The following ACOT9 variants were observed in gnomAD, a reference collection of about 807,000 sequenced individuals.
ACOT9 encodes the protein acyl-CoA thioesterase 9, also known as acyl-coenzyme A thioesterase 9, mitochondrial.
ACOT9 carries 34 observed loss-of-function variants against 39.7 expected under a neutral mutation model. The observed-to-expected ratio is 0.86, with a 90% CI of 0.65 to 1.14. The LOEUF (loss-of-function observed/expected upper bound fraction) is 1.14, where lower values mean the gene tolerates loss of function less well. Among genes scored for constraint, ACOT9 ranks in the 50% most tolerant of loss-of-function variants. The pLI is 0.00. For synonymous variants in ACOT9, 110 were observed against 120.5 expected, an observed-to-expected ratio of 0.91 and a Z score of 0.57; for missense variants, 313 against 344.1, an observed-to-expected ratio of 0.91 and a Z score of 0.71.
intron 1 of ACOT9, among the ~76,000 whole-genome samples, chrX:23,738,041 G>T (rs1350780242): frequency 9.5e-6 from 1 of 105,696 alleles, no homozygotes; most frequent in Non-Finnish European, 1.9e-5. Flanking sequence ...CTAATTTTTT[G>T]TATTTTTAGT....
At chrX:23,739,159 G>A (rs1930048971) in intron 1 of ACOT9, among the ~76,000 whole-genome samples, 1 of 111,208 alleles carries the variant, frequency 9.0e-6, no homozygotes, top group South Asian at 3.8e-4. Context: ...TCGGGAGTCT[G>A]AGGCAGGAGT....
At position 23,739,535 on chromosome X, in the gene ACOT9, A is replaced by G. The variant is rs1930060948; in HGVS notation, c.21-3519T>C. On this transcript the variant is annotated intron_variant, in intron 1 of 15. Transcript: ENST00000379303. ...ATCAAAAAGAACCAGGCTGGGCACA[A>G]TGGCTCACGCCTGTAATCCCAGCAC... Among the ~76,000 whole-genome samples the G allele has an allele frequency of 2.7e-5, 3 of 111,427 alleles. No homozygotes were observed. The South Asian group carries it at 1.1e-3, about 42-fold the overall frequency.
In ACOT9 at chrX:23,728,931, A is replaced by G. The variant is rs1040488367; in HGVS notation, c.400+1596T>C. Reference sequence around the variant, plus strand: ...CAGAAGCTAGCCTGAAGGGACTGGGACACTCCTGGGATCATGTGAACATCA... The same window carrying G: ...CAGAAGCTAGCCTGAAGGGACTGGGGCACTCCTGGGATCATGTGAACATCA... On this transcript the variant is annotated intron_variant, in intron 6 of 15. Transcript: ENST00000379303. Among the ~76,000 whole-genome samples, 14 of 111,253 alleles carry G rather than the reference A, an allele frequency of 1.3e-4. No individual in the cohort carries two copies. The South Asian group carries it at 5.3e-3, about 42-fold the overall frequency.
chrX:23,719,841 A>T (rs1266581480), intron 8 of ACOT9, among the ~76,000 whole-genome samples: 88 of 100,923 alleles, frequency 8.7e-4, no homozygotes, highest in Non-Finnish European at 3.2e-4. Flanking sequence ...TGAATAAGTC[A>T]TTTTTTTTTT....
chrX:23,729,920 C>T (rs1402255000), intron 6 of ACOT9, among the ~76,000 whole-genome samples: 1 of 111,201 alleles, frequency 9.0e-6, no homozygotes, highest in Non-Finnish European at 1.9e-5. Flanking sequence ...CGTGAGCCAC[C>T]GCGCCTGGCC....
chrX:23,705,293 A>G (rs1928638158), intron 13 of ACOT9, among the ~76,000 whole-genome samples: 1 of 111,659 alleles, frequency 9.0e-6, no homozygotes, highest in African/African-American at 3.3e-5. Flanking sequence ...ACATATCATC[A>G]CTGTATTTTC....
intron 9 of ACOT9, among the ~76,000 whole-genome samples, chrX:23,712,012 A>G (rs1928911875): frequency 8.9e-6 from 1 of 111,843 alleles, no homozygotes; most frequent in Non-Finnish European, 1.9e-5. Flanking sequence ...AGAAAGTGGG[A>G]CACTATTTAG....
At chrX:23,740,309 G>T (rs1253712124) in intron 1 of ACOT9, among the ~76,000 whole-genome samples, 2 of 109,851 alleles carry the variant, frequency 1.8e-5, no homozygotes, top group Non-Finnish European at 3.8e-5. Flanking sequence ...GCTTCACCAT[G>T]TTGACCAGGC....
intron 6 of ACOT9, among the ~76,000 whole-genome samples, chrX:23,726,547 A>G (rs779485057): frequency 6.3e-4 from 71 of 112,022 alleles, no homozygotes; most frequent in Admixed American, 2.0e-3. Flanking sequence ...TGTTTAATTA[A>G]CAGGAAGTTA....
Position 23,704,733 on chromosome X carries a change from C to G in ACOT9, c.1219G>C (p.Glu407Gln). The G allele has an allele frequency of 8.3e-7, 1 of 1,211,441 alleles. No homozygotes were observed. The highest frequency in any genetic ancestry group is 1.1e-6 in the Non-Finnish European group (1 of 895,319). The change falls in exon 15 of 16, where the codon GAA becomes CAA. Residue 407 changes from glutamate (E) to glutamine (Q), a missense_variant. Physicochemically the swap from Glu to Gln is conservative, Grantham distance 29 (BLOSUM62 2). Coordinates refer to ENST00000379303, the MANE Select transcript of ACOT9 (RefSeq NM_001037171.2). ...TNVFHFTFMS[E>Q]KEVPLVFPKT... ...GGGAAAACCAATGGCACTTCTTTTT[C>G]CGACATGAACGTGAAATGAAAGACA...
At chrX:23,740,150 AGGCTGGAGT>A in intron 1 of ACOT9, among the ~76,000 whole-genome samples, 1 of 104,274 alleles carries the variant, frequency 9.6e-6, no homozygotes, top group East Asian at 3.0e-4. Flanking sequence ...ACTGTCACCC[AGGCTGGAGT>A]GCAGTGGCAA....
Position 23,703,729 on chromosome X carries a change from C to T in ACOT9, c.*165G>A, listed in dbSNP as rs989302780. On this transcript the variant is annotated 3_prime_UTR_variant, in exon 16 of 16. Coordinates refer to ENST00000379303, the MANE Select transcript of ACOT9 (RefSeq NM_001037171.2). ...AATTCTTTCTCCCCTCAGCCCCATC[C>T]GGCCACTCTCTCTTTCTGCTTTTCT... The T allele has an allele frequency of 2.0e-5, 8 of 408,254 alleles. No individual in the cohort carries two copies. Among genetic ancestry groups the T allele is most frequent in the Non-Finnish European group, 3.0e-5 (7 of 231,503 alleles). The allele number at this position is 408,254 out of a possible 1,213,427, so 33.6% of individuals were successfully genotyped here. A position where few individuals can be genotyped will look rare whatever the true frequency, so the allele number is the denominator to read the frequency against.
intron 15 of ACOT9, 124 bp from the exon 16 acceptor site, chrX:23,704,106 G>A (rs891886371): frequency 7.8e-5 from 40 of 515,493 alleles, no homozygotes; most frequent in African/African-American, 2.4e-4. Context: ...TTGGGCCGGG[G>A]TGTGCCACAT....
rs750423383 is a variant in ACOT9, at chrX:23,702,448, T to C, written c.*1446A>G. 1 of 110,371 alleles carries C rather than the reference T, an allele frequency of 9.1e-6. No homozygotes were observed. The highest frequency in any genetic ancestry group is 3.3e-5 in the African/African-American group (1 of 30,356). 9.1% of individuals were successfully genotyped at this position (110,371 alleles called of 1,213,427 possible). On this transcript the variant is annotated 3_prime_UTR_variant, in exon 16 of 16. Coordinates refer to ENST00000379303, the MANE Select transcript of ACOT9 (RefSeq NM_001037171.2). ...TTGTATTTTTAGTAGAAACGGGGTT[T>C]CACCATCTCGGCCAGGCTGGTCTTG...
rs1279995181 is a variant in ACOT9, at chrX:23,705,079, C to T, written c.1021G>A (p.Gly341Ser). 8.3e-7 allele frequency: 1 copy of T among 1,207,021 alleles called. No individual in the cohort carries two copies. Among genetic ancestry groups the T allele is most frequent in the African/African-American group, 1.8e-5 (1 of 57,121 alleles). ...ACTGCTACCACAAACGGTCGAGAAC[C>T]ACTGTTGGGGGAAAGGACAGAATTT... ...LAWATACSFG[G>S]SRPFVVAVDD... Residue 341 changes from glycine (G) to serine (S), a missense_variant and splice_region_variant, in exon 14 of 16, where the codon GGT becomes AGT. Physicochemically the swap from Gly to Ser is moderately conservative, Grantham distance 56 (BLOSUM62 0). Transcript: ENST00000379303.
At chrX:23,721,296 T>C (rs927434802) in intron 8 of ACOT9, among the ~76,000 whole-genome samples, 2 of 110,591 alleles carry the variant, frequency 1.8e-5, no homozygotes, top group African/African-American at 3.3e-5. Context: ...TTTCACCATA[T>C]TGGCCAGGCT....
At chrX:23,738,181 G>A (rs1930009761) in intron 1 of ACOT9, among the ~76,000 whole-genome samples, 1 of 108,969 alleles carries the variant, frequency 9.2e-6, no homozygotes. Context: ...TTTTGTTTTT[G>A]ACCATCTAAT....
intron 15 of ACOT9, 148 bp downstream of exon 15, chrX:23,704,546 T>G (rs1928607174): frequency 2.9e-6 from 2 of 693,744 alleles, no homozygotes; most frequent in Admixed American, 6.5e-5. Context: ...ATCTTTGGCC[T>G]TCAGGGCTGC....
intron 1 of ACOT9, among the ~76,000 whole-genome samples, chrX:23,738,337 G>A (rs1181390449): frequency 9.2e-6 from 1 of 109,270 alleles, no homozygotes; most frequent in African/African-American, 3.3e-5. Context: ...AGCCAGGCAT[G>A]GTGGCTCATG....
Sources: gnomAD v4.1 joint callset for allele counts (sites outside exome capture counted in the v4.1 genomes callset) on GRCh38, gnomAD v4.1.1 for gene constraint, MANE v1.5 for transcripts, NCBI Gene and HGNC (gene_info 2026-07-23, HGNC 2026-07-21) for gene names.